The following PDPR variants were observed in gnomAD, a reference collection of about 807,000 sequenced individuals.
PDPR encodes pyruvate dehydrogenase phosphatase regulatory subunit.
In PDPR, 50 loss-of-function variants were observed where a neutral mutation model predicts 102.2. The ratio of observed to expected loss-of-function variants is 0.49; its 90% CI spans 0.39 to 0.62. The LOEUF (loss-of-function observed/expected upper bound fraction) is 0.62, where lower values mean the gene tolerates loss of function less well. Ranked by LOEUF, PDPR falls within the 20% of genes least tolerant of loss-of-function variation. The pLI, the probability that PDPR is intolerant of heterozygous loss-of-function variation, is 0.00. For missense variants in PDPR, 625 were observed against 1,098.2 expected (o/e 0.57, Z 6.09); for synonymous variants, 259 against 406.0 (o/e 0.64, Z 4.35).
chr16:70,126,004 C>A (rs1277638368), intron 3 of PDPR, among the ~76,000 whole-genome samples: 1 of 152,260 alleles, frequency 6.6e-6, no homozygotes, highest in East Asian at 1.9e-4. Context: ...TTCTCTACTT[C>A]TATAAGCAAT....
intron 16 of PDPR, among the ~76,000 whole-genome samples, chr16:70,148,084 G>A (rs1966383671): frequency 2.0e-5 from 3 of 152,380 alleles, no homozygotes; most frequent in African/African-American, 7.2e-5. Flanking sequence ...ATGGCAGGCG[G>A]CCAGGGTTTG....
At chr16:70,115,775 ATAT>A (rs1212703693) in intron 2 of PDPR, among the ~76,000 whole-genome samples, 1 of 151,954 alleles carries the variant, frequency 6.6e-6, no homozygotes, top group African/African-American at 2.4e-5. Context: ...TTAGCAGAGA[ATAT>A]TATACGGTCA....
chr16:70,120,563 C>T lies in PDPR; in HGVS notation c.71C>T (p.Ser24Phe), dbSNP rs368906299. The change falls in exon 3 of 19, where the codon TCT (serine) becomes TTT (phenylalanine). Residue 24 changes from serine to phenylalanine, a missense_variant. Ser to Phe is a radical substitution (Grantham distance 155, BLOSUM62 -2). Coordinates refer to ENST00000288050, the MANE Select transcript of PDPR (RefSeq NM_017990.5). ...AGCCCAGGATGGCAGAACTGGTCCT[C>T]TGCAAGAAACAGCACGTCAGCTGCC... is the stretch of plus-strand genomic sequence containing the variant. ...RASPGWQNWS[S>F]ARNSTSAAEA... is the part of the protein sequence containing the mutation. 5.6e-5 allele frequency: 90 copies of T among 1,613,926 alleles called. No individual in the cohort carries two copies. The highest frequency in any genetic ancestry group is 7.5e-5 in the Non-Finnish European group (88 of 1,179,898).
At chr16:70,139,605 G>A (rs183485617) in intron 11 of PDPR, among the ~76,000 whole-genome samples, 32 of 152,350 alleles carry the variant, frequency 2.1e-4, no homozygotes, top group South Asian at 6.2e-4. Context: ...CCGTGTTCTC[G>A]CCCTGCTTCA....
At chr16:70,151,020 C>T (rs1356791553) in intron 17 of PDPR, among the ~76,000 whole-genome samples, 1 of 152,070 alleles carries the variant, frequency 6.6e-6, no homozygotes, top group South Asian at 2.1e-4. Flanking sequence ...CTGCAAGCCC[C>T]ACCTCCTGGG....
downstream of PDPR, chr16:70,162,576 A>T (rs72790616): frequency 4.4e-3 from 670 of 152,342 alleles, no homozygotes; most frequent in Non-Finnish European, 7.0e-3. Flanking sequence ...TAGTGACTTA[A>T]ATGTGTTTGC....
Position 70,156,886 on chromosome 16 carries a change from C to T in PDPR, c.*7C>T. 2 of 1,612,056 alleles carry T rather than the reference C, an allele frequency of 1.2e-6. No individual in the cohort carries two copies. The highest frequency in any genetic ancestry group is 1.7e-6 in the Non-Finnish European group (2 of 1,179,008). ...TGACTTACATGGGAAGTGATGCCAC[C>T]AGGGCAGCCTCACCTCCTCCCCATC... On this transcript the variant is annotated 3_prime_UTR_variant, in exon 19 of 19. Transcript: ENST00000288050.
chr16:70,152,963 G>C (rs943682592), intron 17 of PDPR, among the ~76,000 whole-genome samples: 10 of 152,282 alleles, frequency 6.6e-5, no homozygotes, highest in Non-Finnish European at 1.3e-4. Flanking sequence ...GCTTGGGCCA[G>C]TACGTGAGGG....
rs1450788944 is a variant in PDPR, at chr16:70,157,833, C to G, written c.*954C>G. ...GTGCGTTTGACTTTGTCAGGTCAGC[C>G]TCACTTGTCCCTTTCACAGTTGGCC... is the stretch of plus-strand genomic sequence containing the variant. On this transcript the variant is annotated 3_prime_UTR_variant, in exon 19 of 19. Coordinates refer to ENST00000288050, the MANE Select transcript of PDPR (RefSeq NM_017990.5). The G allele has an allele frequency of 6.5e-6, 1 of 154,920 alleles. No homozygotes were observed. Among genetic ancestry groups the G allele is most frequent in the African/African-American group, 2.4e-5 (1 of 41,498 alleles). 9.6% of individuals were successfully genotyped at this position (154,920 alleles called of 1,614,324 possible).
intron 3 of PDPR, among the ~76,000 whole-genome samples, chr16:70,122,903 G>C (rs28889346): frequency 0.26 from 37,013 of 142,384 alleles, 1,252 homozygotes; most frequent in Non-Finnish European, 0.31. Context: ...TTTATGCAGT[G>C]GATAGTTTTT....
chr16:70,117,945 T>C (rs575184298), intron 2 of PDPR, among the ~76,000 whole-genome samples: 3 of 151,982 alleles, frequency 2.0e-5, no homozygotes, highest in African/African-American at 7.2e-5. Context: ...ATACAAAAAG[T>C]AACTGGGCGT....
chr16:70,122,854 T>TACACACACACAC (rs71151173), intron 3 of PDPR, among the ~76,000 whole-genome samples: 162 of 145,688 alleles, frequency 1.1e-3, no homozygotes, highest in African/African-American at 3.0e-3. Context: ...TATACACACA[T>TACACACACACAC]ACACACACAC....
At chr16:70,152,445 G>A (rs1966808548) in intron 17 of PDPR, among the ~76,000 whole-genome samples, 1 of 152,260 alleles carries the variant, frequency 6.6e-6, no homozygotes, top group African/African-American at 2.4e-5. Flanking sequence ...CTTGAACCCG[G>A]GAGTGGAGAT....
At chr16:70,154,283 G>A (rs558208402) in intron 18 of PDPR, among the ~76,000 whole-genome samples, 5 of 152,270 alleles carry the variant, frequency 3.3e-5, no homozygotes, top group East Asian at 1.9e-4. Context: ...AGCCAAAATC[G>A]CACCACTGCA....
chr16:70,147,419 T>A, intron 16 of PDPR: 1 of 373,514 alleles, frequency 2.7e-6, no homozygotes, highest in South Asian at 2.0e-5. Flanking sequence ...TTAGGTCCCT[T>A]CTCTCCATGC....
At chr16:70,133,111 C>CTTTTTT (rs140652740) in intron 9 of PDPR, among the ~76,000 whole-genome samples, 4,754 of 97,102 alleles carry the variant, frequency 0.049, 212 homozygotes, top group South Asian at 0.09. Context: ...TACCCAGCTG[C>CTTTTTT]TTTTTTTTTT....
intron 3 of PDPR, among the ~76,000 whole-genome samples, chr16:70,120,931 CTTTTTTTTTTTTTTTT>C (rs71385643): frequency 4.9e-5 from 5 of 103,054 alleles, no homozygotes; most frequent in African/African-American, 7.7e-5. Context: ...TTTCGTTTTC[CTTTTTTTTTTTTTTTT>C]TTTTTTTTTT....
chr16:70,114,443 A>T lies in PDPR; in HGVS notation c.-143+3A>T, dbSNP rs1274225060. The stretch of plus-strand genomic sequence containing the variant: ...CGGAGCCCGTGGGGACCGGTGAGGT[A>T]AGGAGATAGCTTCGGGGCAACTCTG... On this transcript the variant is annotated splice_donor_region_variant and intron_variant, in intron 1 of 18. Transcript: ENST00000288050. The T allele has an allele frequency of 6.6e-6, 1 of 152,060 alleles. No homozygotes were observed. The highest frequency in any genetic ancestry group is 1.5e-5 in the Non-Finnish European group (1 of 68,008). The allele number at this position is 152,060 out of a possible 1,614,324, so 9.4% of individuals were successfully genotyped here.
At position 70,138,932 on chromosome 16, in the gene PDPR, C is replaced by G. The variant is rs1438419173; in HGVS notation, c.1224C>G (p.Pro408=). The change falls in exon 11 of 19, where the codon CCC becomes CCG. Residue 408 remains proline, a synonymous_variant. Transcript: ENST00000288050. The part of the protein sequence containing the change: ...YLAEWMVHGY[P]SENVWELDLK... ...CCGAATGGATGGTACATGGTTATCC[C>G]TCAGAAAACGTTTGGGAATTGGACC... 3.1e-6 allele frequency: 5 copies of G among 1,613,196 alleles called. No individual in the cohort carries two copies. The East Asian group carries it at 1.1e-4, about 36-fold the overall frequency.
Sources: allele counts gnomAD v4.1 joint callset (sites outside exome capture counted in the v4.1 genomes callset), GRCh38; gene constraint gnomAD v4.1.1; transcripts MANE v1.5; gene names NCBI Gene and HGNC (gene_info 2026-07-23, HGNC 2026-07-21).